TMEM44: variants seen among roughly 807,000 people sequenced by gnomAD.
TMEM44 encodes transmembrane protein 44.
In TMEM44, 43 loss-of-function variants were observed where a neutral mutation model predicts 47.8. That is an observed-to-expected ratio of 0.90 (90% CI 0.70 to 1.16). The LOEUF (loss-of-function observed/expected upper bound fraction) is 1.16. TMEM44 is among the 50% of genes most tolerant of loss of function. The pLI is 0.00. For synonymous variants in TMEM44, 277 were observed against 238.8 expected (o/e 1.16, Z -1.48); for missense variants, 568 against 555.2 (o/e 1.02, Z -0.23).
At chr3:194,628,574 A>G (rs1717428153) in intron 1 of TMEM44, 65 bp from the exon 2 acceptor site, 1 of 1,516,634 alleles carries the variant, frequency 6.6e-7, no homozygotes, top group Non-Finnish European at 8.9e-7. Flanking sequence ...GCATGTATCT[A>G]AAAAGGGCAA....
Position 194,588,643 on chromosome 3 carries a change from T to C in TMEM44, c.1177-4A>G, listed in dbSNP as rs772370466. On this transcript the variant is annotated splice_region_variant and splice_polypyrimidine_tract_variant and intron_variant, in intron 9 of 9. Transcript: ENST00000347147. ...GGTTCACATCTTCAGGGTCCCACTA[T>C]GGAGAAAAGATGCAAAGGGTAGCTG... 21 of 1,613,858 alleles carry C rather than the reference T, an allele frequency of 1.3e-5. No homozygotes were observed. Among genetic ancestry groups the C allele is most frequent in the Non-Finnish European group, 1.8e-5 (21 of 1,179,896 alleles).
intron 8 of TMEM44, among the ~76,000 whole-genome samples, chr3:194,605,400 C>T (rs1295001741): frequency 6.6e-6 from 1 of 152,212 alleles, no homozygotes; most frequent in Non-Finnish European, 1.5e-5. Flanking sequence ...TTTCATGCTG[C>T]TGACAAAGAC....
chr3:194,620,057 G>A (rs113750097), intron 5 of TMEM44, among the ~76,000 whole-genome samples: 34 of 152,206 alleles, frequency 2.2e-4, no homozygotes, highest in African/African-American at 7.0e-4. Flanking sequence ...TTGGAAGGCC[G>A]AGGCGGGTGG....
At chr3:194,601,093 A>G (rs932591747) in intron 9 of TMEM44, among the ~76,000 whole-genome samples, 3 of 150,440 alleles carry the variant, frequency 2.0e-5, no homozygotes, top group African/African-American at 7.3e-5. Flanking sequence ...AAAAGCGTTC[A>G]TTTCCACTTG....
At chr3:194,608,736 T>C (rs1715017403) in intron 8 of TMEM44, among the ~76,000 whole-genome samples, 1 of 152,040 alleles carries the variant, frequency 6.6e-6, no homozygotes, top group South Asian at 2.1e-4. Flanking sequence ...AGAGATGGGG[T>C]CTCGCTATGT....
At chr3:194,601,145 G>GTTTTTT (rs200964048) in intron 9 of TMEM44, among the ~76,000 whole-genome samples, 1 of 144,396 alleles carries the variant, frequency 6.9e-6, no homozygotes, top group Non-Finnish European at 1.5e-5. Context: ...GAATTTACTT[G>GTTTTTT]TTTGTTTTTT....
chr3:194,602,891 T>G (rs9816961), intron 9 of TMEM44, among the ~76,000 whole-genome samples: 54,672 of 152,148 alleles, frequency 0.36, 10,542 homozygotes, highest in East Asian at 0.77. Flanking sequence ...GCTAATTGAT[T>G]ATTTTGCCAA....
At chr3:194,593,162 T>C in intron 9 of TMEM44, 23 of 1,391,294 alleles carry the variant, frequency 1.7e-5, no homozygotes, top group South Asian at 1.6e-4. Flanking sequence ...AGCTCCTGTC[T>C]GCTCAGTGAG....
rs732124 is a variant in TMEM44, at chr3:194,604,277, A to G, written c.1176+10T>C. On this transcript the variant is annotated intron_variant, in intron 9 of 9. Transcript: ENST00000347147. ...CCCACGCACCCGCCCAGCAGGCAAC[A>G]GCCGTGTACCTCCAGGTCGGAGTTG... The G allele has an allele frequency of 0.38, 603,574 of 1,574,030 alleles. 123,840 individuals carry two copies. Among genetic ancestry groups the G allele is most frequent in the Non-Finnish European group, 0.43 (498,905 of 1,160,522 alleles).
intron 9 of TMEM44, among the ~76,000 whole-genome samples, chr3:194,591,934 T>C (rs1436970847): frequency 2.0e-5 from 3 of 151,984 alleles, no homozygotes; most frequent in African/African-American, 7.2e-5. Context: ...AATAAAATCA[T>C]TGGGCCAGGC....
rs140177882 is a variant in TMEM44 at position 194,617,220 on chromosome 3, G to A, written c.662C>T (p.Ser221Leu). 51 of 1,546,866 alleles carry A rather than the reference G, an allele frequency of 3.3e-5. No homozygotes were observed. In the African/African-American group the frequency reaches 3.4e-4, roughly 10 times the overall value. ...GGCATAGAGGAGGCCAGCCAGGGCC[G>A]ACAGGAGCCGGGTCCACAGGTGGAT... The part of the protein sequence containing the change: ...PSIHLWTRLL[S>L]ALAGLLYASA... The change falls in exon 6 of 10, where the codon TCG becomes TTG. Residue 221 changes from serine to leucine, a missense_variant. Coordinates refer to ENST00000347147, the MANE Select transcript of TMEM44 (RefSeq NM_001011655.3).
intron 8 of TMEM44, among the ~76,000 whole-genome samples, chr3:194,609,350 C>A (rs1577186113): frequency 6.6e-6 from 1 of 152,116 alleles, no homozygotes; most frequent in Admixed American, 6.5e-5. Context: ...CTGCCTGGGA[C>A]AGGGCGTTGG....
At chr3:194,617,609 T>C (rs1391453550) in intron 5 of TMEM44, 1 of 700,668 alleles carries the variant, frequency 1.4e-6, no homozygotes, top group Admixed American at 2.0e-5. Flanking sequence ...GTCAGAGAGC[T>C]CCTGAGGGCT....
At chr3:194,618,923 G>T (rs1027217014) in intron 5 of TMEM44, among the ~76,000 whole-genome samples, 3 of 152,204 alleles carry the variant, frequency 2.0e-5, no homozygotes, top group African/African-American at 7.2e-5. Flanking sequence ...TGGAGCAGCC[G>T]GCTGGGAGGG....
intron 4 of TMEM44, 98 bp downstream of exon 4, chr3:194,623,431 G>A (rs1286801456): frequency 6.6e-7 from 1 of 1,509,826 alleles, no homozygotes; most frequent in African/African-American, 1.4e-5. Flanking sequence ...AACAAAGGAA[G>A]GCTTAACCCC....
intron 5 of TMEM44, among the ~76,000 whole-genome samples, chr3:194,620,451 A>T (rs975921246): frequency 6.6e-6 from 1 of 152,052 alleles, no homozygotes; most frequent in Non-Finnish European, 1.5e-5. Flanking sequence ...TCCAGGCCAG[A>T]TTAGATTGCT....
In TMEM44 at chr3:194,611,623, G is replaced by A. The variant is rs1202621062; in HGVS notation, c.913-603C>T. On this transcript the variant is annotated intron_variant, in intron 7 of 9. Transcript: ENST00000347147. The surrounding 1 kb of genome is among the most constrained non-coding windows in gnomAD (Gnocchi z 4.2). The stretch of plus-strand genomic sequence containing the variant: ...CGCGCCCCAGATGATTCTAACGTGC[G>A]GCCAAGTTTGCGAACCACTGCAATA... 2.0e-5 allele frequency among the ~76,000 whole-genome samples: 3 copies of A among 152,134 alleles called. No homozygotes were observed. The highest frequency in any genetic ancestry group is 6.5e-5 in the Admixed American group (1 of 15,274).
intron 1 of TMEM44, among the ~76,000 whole-genome samples, chr3:194,631,615 C>A: frequency 6.6e-6 from 1 of 152,178 alleles, no homozygotes; most frequent in Non-Finnish European, 1.5e-5. Flanking sequence ...TTTATATCAA[C>A]CCTCCCATTT....
At chr3:194,619,247 C>T (rs1716271266) in intron 5 of TMEM44, among the ~76,000 whole-genome samples, 2 of 152,232 alleles carry the variant, frequency 1.3e-5, no homozygotes, top group Admixed American at 1.3e-4. Context: ...CAGGGTCAGT[C>T]CTGGGGCCGA....
Sources: gnomAD v4.1 joint callset for allele counts (sites outside exome capture counted in the v4.1 genomes callset) on GRCh38, gnomAD v4.1.1 for gene constraint, Gnocchi (gnomAD v3.1) non-coding constraint, MANE v1.5 for transcripts, NCBI Gene and HGNC (gene_info 2026-07-23, HGNC 2026-07-21) for gene names.